DGKB: variants seen among roughly 807,000 people sequenced by gnomAD.
DGKB encodes the protein diacylglycerol kinase beta.
DGKB carries 67 observed loss-of-function variants against 114.3 expected under a neutral mutation model. That is an observed-to-expected ratio of 0.59 (90% CI 0.48 to 0.72). The LOEUF (loss-of-function observed/expected upper bound fraction) is 0.72, where lower values mean the gene tolerates loss of function less well. Among genes scored for constraint, DGKB ranks in the 30% least tolerant of loss-of-function variants. The probability of loss-of-function intolerance (pLI) is 0.00; values close to 1 mark genes in which losing one functional copy is unlikely to be tolerated. For synonymous variants in DGKB, 398 were observed against 323.1 expected (o/e 1.23, Z -2.49); for missense variants, 907 against 975.2 (o/e 0.93, Z 0.93).
chr7:14,587,232 G>A (rs1387567758), intron 17 of DGKB, among the ~76,000 whole-genome samples: 1 of 152,050 alleles, frequency 6.6e-6, no homozygotes, highest in Non-Finnish European at 1.5e-5. Flanking sequence ...TGACTTTAAA[G>A]GGTTCAAGAC....
intron 4 of DGKB, among the ~76,000 whole-genome samples, chr7:14,737,804 T>C (rs1831958883): frequency 6.6e-6 from 1 of 151,788 alleles, no homozygotes. Flanking sequence ...CATAGAATAT[T>C]GTCAATTCTA....
At chr7:14,528,333 C>T (rs1037347233) in intron 20 of DGKB, among the ~76,000 whole-genome samples, 2 of 152,032 alleles carry the variant, frequency 1.3e-5, no homozygotes, top group African/African-American at 4.8e-5. Flanking sequence ...AACACAGAGA[C>T]GAAATCACCC....
chr7:14,946,301 A>G (rs1254761316), intron 1 of DGKB, among the ~76,000 whole-genome samples: 1 of 151,654 alleles, frequency 6.6e-6, no homozygotes, highest in African/African-American at 2.4e-5. Flanking sequence ...GTTTTAAGGA[A>G]AAAAAGAAAT....
At chr7:14,189,722 C>G (rs1489113942) in intron 23 of DGKB, among the ~76,000 whole-genome samples, 6 of 151,942 alleles carry the variant, frequency 3.9e-5, no homozygotes, top group Admixed American at 1.3e-4. Context: ...ATATTCCGTG[C>G]AAACAAAAAC....
chr7:14,554,824 G>A (rs1795648027), intron 20 of DGKB, among the ~76,000 whole-genome samples: 1 of 151,798 alleles, frequency 6.6e-6, no homozygotes, highest in Non-Finnish European at 1.5e-5. Flanking sequence ...TGGCTATTCA[G>A]TATTTTTCTA....
chr7:14,770,351 C>A (rs1586371191), intron 2 of DGKB, among the ~76,000 whole-genome samples: 1 of 152,100 alleles, frequency 6.6e-6, no homozygotes, highest in Non-Finnish European at 1.5e-5. Flanking sequence ...TCCACTAGGC[C>A]AGGAAGGAGT....
At chr7:14,572,806 A>C (rs1453850216) in intron 20 of DGKB, among the ~76,000 whole-genome samples, 1 of 152,240 alleles carries the variant, frequency 6.6e-6, no homozygotes, top group Non-Finnish European at 1.5e-5. Flanking sequence ...CTCCAGATGC[A>C]AAACTCCTAT....
chr7:14,937,393 G>T (rs758293778), intron 1 of DGKB, among the ~76,000 whole-genome samples: 4 of 151,798 alleles, frequency 2.6e-5, no homozygotes, highest in Admixed American at 6.6e-5. Flanking sequence ...AGCATAATAT[G>T]GGCAAATCAG....
intron 6 of DGKB, among the ~76,000 whole-genome samples, chr7:14,705,839 C>A (rs1378095723): frequency 1.3e-5 from 2 of 151,926 alleles, no homozygotes; most frequent in Non-Finnish European, 2.9e-5. Context: ...AAGGAACAAC[C>A]AGTACCAGCC....
At chr7:14,740,630 C>T (rs995321894) in intron 4 of DGKB, among the ~76,000 whole-genome samples, 2 of 152,134 alleles carry the variant, frequency 1.3e-5, no homozygotes, top group Non-Finnish European at 2.9e-5. Flanking sequence ...AAGGCAAACA[C>T]CACAGATGAG....
chr7:14,332,867 A>C (rs1052844042), intron 23 of DGKB, among the ~76,000 whole-genome samples: 3 of 152,116 alleles, frequency 2.0e-5, no homozygotes, highest in Admixed American at 6.6e-5. Context: ...GTTTTTAAAT[A>C]AACTTTTGCA....
intron 2 of DGKB, among the ~76,000 whole-genome samples, chr7:14,801,925 T>TATAC (rs1554281696): frequency 8.1e-5 from 12 of 148,056 alleles, no homozygotes; most frequent in South Asian, 6.4e-4. Flanking sequence ...TATATACATA[T>TATAC]ACACACACAC....
intron 23 of DGKB, among the ~76,000 whole-genome samples, chr7:14,333,605 C>CAT (rs1037996030): frequency 3.7e-4 from 56 of 151,924 alleles, no homozygotes; most frequent in African/African-American, 1.2e-3. Context: ...CTGATACAGA[C>CAT]ATATATATAT....
chr7:14,579,714 G>A (rs1038102507), intron 19 of DGKB, among the ~76,000 whole-genome samples: 3 of 151,978 alleles, frequency 2.0e-5, no homozygotes, highest in African/African-American at 7.3e-5. Flanking sequence ...ATACAGCTTA[G>A]AGCTAGTTGG....
chr7:14,903,536 A>T (rs899902748), upstream of DGKB, among the ~76,000 whole-genome samples: 1 of 152,094 alleles, frequency 6.6e-6, no homozygotes, highest in Non-Finnish European at 1.5e-5. Flanking sequence ...TCTCCCTTCT[A>T]CAACTGTAGT....
chr7:14,693,215 C>T (rs187090193), intron 9 of DGKB, among the ~76,000 whole-genome samples: 3 of 152,106 alleles, frequency 2.0e-5, no homozygotes, highest in Admixed American at 2.0e-4. Flanking sequence ...CTTTCCACCC[C>T]TAATGTTCTT....
chr7:14,776,656 G>C (rs1389644719), intron 2 of DGKB, among the ~76,000 whole-genome samples: 1 of 152,224 alleles, frequency 6.6e-6, no homozygotes, highest in Non-Finnish European at 1.5e-5. Flanking sequence ...GGAAACCTCT[G>C]CCTGAATTTC....
chr7:14,904,389 G>T (rs1230035439), upstream of DGKB, among the ~76,000 whole-genome samples: 1 of 151,988 alleles, frequency 6.6e-6, no homozygotes, highest in African/African-American at 2.4e-5. Context: ...TTTTTTCCCA[G>T]TTGTTAGGGC....
At chr7:14,301,862 C>G (rs560080527) in intron 23 of DGKB, among the ~76,000 whole-genome samples, 1 of 152,210 alleles carries the variant, frequency 6.6e-6, no homozygotes, top group South Asian at 2.1e-4. Flanking sequence ...GTGCTTTTGT[C>G]AGACTCATGG....
Sources: gnomAD v4.1 joint callset for allele counts (sites outside exome capture counted in the v4.1 genomes callset) on GRCh38, gnomAD v4.1.1 for gene constraint, MANE v1.5 for transcripts, NCBI Gene and HGNC (gene_info 2026-07-23, HGNC 2026-07-21) for gene names.